NETO2: variants seen among roughly 807,000 people sequenced by gnomAD.
NETO2 encodes the protein neuropilin and tolloid-like protein 2.
In NETO2, 28 loss-of-function variants were observed where a neutral mutation model predicts 62.5. That is an observed-to-expected ratio of 0.45 (90% CI 0.33 to 0.61). NETO2 has a LOEUF of 0.61. NETO2 is among the 20% of genes least tolerant of loss of function. The pLI is 0.02. For missense variants in NETO2, 548 were observed against 643.2 expected (o/e 0.85, Z 1.60); for synonymous variants, 214 against 219.1 (o/e 0.98, Z 0.21).
At chr16:47,092,905 T>C (rs1412609287) in intron 7 of NETO2, among the ~76,000 whole-genome samples, 1 of 152,150 alleles carries the variant, frequency 6.6e-6, no homozygotes, top group African/African-American at 2.4e-5. Context: ...AGACTCAAAA[T>C]TGTAGGTGAC....
chr16:47,112,591 C>T (rs1040646559), intron 6 of NETO2, among the ~76,000 whole-genome samples: 5 of 152,124 alleles, frequency 3.3e-5, no homozygotes, highest in Non-Finnish European at 7.4e-5. Flanking sequence ...AACTCTTGAC[C>T]TCAAGTGATC....
chr16:47,090,276 C>G (rs567238987), intron 7 of NETO2, among the ~76,000 whole-genome samples: 16 of 152,234 alleles, frequency 1.1e-4, no homozygotes, highest in Non-Finnish European at 2.1e-4. Context: ...GAAAACAGCA[C>G]TGATATTGTC....
At chr16:47,116,838 C>G (rs1038676928) in intron 6 of NETO2, among the ~76,000 whole-genome samples, 3 of 152,180 alleles carry the variant, frequency 2.0e-5, no homozygotes, top group Non-Finnish European at 4.4e-5. Flanking sequence ...CATGTTTGGG[C>G]AGCTGTGTAG....
intron 2 of NETO2, 60 bp from the exon 3 acceptor site, chr16:47,129,424 T>A (rs1596743960): frequency 6.4e-7 from 1 of 1,558,912 alleles, no homozygotes; most frequent in East Asian, 2.2e-5. Context: ...TTCTTCTCTT[T>A]CCCCCACCAC....
intron 7 of NETO2, among the ~76,000 whole-genome samples, chr16:47,100,312 T>C (rs1040368604): frequency 2.4e-4 from 37 of 152,112 alleles, no homozygotes; most frequent in African/African-American, 7.7e-4. Flanking sequence ...TAAAGCAGTG[T>C]TTAGAGGGAA....
intron 6 of NETO2, among the ~76,000 whole-genome samples, chr16:47,110,021 C>G (rs905238556): frequency 3.9e-5 from 6 of 152,092 alleles, no homozygotes; most frequent in African/African-American, 1.4e-4. Flanking sequence ...TGGTACTGGA[C>G]AGGGGAGAAA....
intron 6 of NETO2, among the ~76,000 whole-genome samples, chr16:47,122,257 T>G (rs1964054691): frequency 6.6e-6 from 1 of 152,208 alleles, no homozygotes. Context: ...GCTTTTAGAT[T>G]GCTACGACCA....
intron 8 of NETO2, among the ~76,000 whole-genome samples, chr16:47,084,547 TA>T (rs1360872153): frequency 1.3e-5 from 2 of 152,238 alleles, no homozygotes; most frequent in Non-Finnish European, 2.9e-5. Context: ...CTATTATGGA[TA>T]ACAATAATGG....
intron 7 of NETO2, among the ~76,000 whole-genome samples, chr16:47,106,219 T>A (rs1241993934): frequency 6.6e-6 from 1 of 152,018 alleles, no homozygotes; most frequent in Non-Finnish European, 1.5e-5. Flanking sequence ...AGGACAAATA[T>A]TATATGATTC....
chr16:47,102,752 A>C (rs1963582832), intron 7 of NETO2, among the ~76,000 whole-genome samples: 1 of 152,218 alleles, frequency 6.6e-6, no homozygotes, highest in African/African-American at 2.4e-5. Context: ...CTACCATCTC[A>C]CACCAGTTAG....
At chr16:47,090,187 T>C (rs1963283514) in intron 7 of NETO2, among the ~76,000 whole-genome samples, 1 of 152,232 alleles carries the variant, frequency 6.6e-6, no homozygotes, top group Non-Finnish European at 1.5e-5. Flanking sequence ...TCATCACTGA[T>C]TGAGCAGTGA....
Position 47,083,103 on chromosome 16 carries a change from TA to T in NETO2, c.*117del. On this transcript the variant is annotated 3_prime_UTR_variant, in exon 9 of 9. Coordinates refer to ENST00000562435, the MANE Select transcript of NETO2 (RefSeq NM_018092.5). ...ACATCACCATACAATAGGTTAACGGTAAATCAAGGTCTTCGTAGTTGTGATG... is the reference window on the plus strand; with the variant it reads ...ACATCACCATACAATAGGTTAACGGTAATCAAGGTCTTCGTAGTTGTGATG... The T allele has an allele frequency of 1.2e-6, 1 of 864,706 alleles. No individual in the cohort carries two copies. The highest frequency in any genetic ancestry group is 2.7e-5 in the Admixed American group (1 of 37,690). 53.6% of individuals were successfully genotyped at this position (864,706 alleles called of 1,614,324 possible).
chr16:47,099,758 C>T (rs888724056), intron 7 of NETO2, among the ~76,000 whole-genome samples: 1 of 152,136 alleles, frequency 6.6e-6, no homozygotes, highest in African/African-American at 2.4e-5. Flanking sequence ...CAAGAGCTAA[C>T]TATCCTAAAT....
intron 7 of NETO2, among the ~76,000 whole-genome samples, chr16:47,095,748 T>C (rs904467236): frequency 1.3e-5 from 2 of 152,126 alleles, no homozygotes; most frequent in African/African-American, 2.4e-5. Context: ...CAATAAAGGA[T>C]AGAATGACCA....
At chr16:47,087,794 G>A (rs1043869619) in intron 7 of NETO2, among the ~76,000 whole-genome samples, 23 of 152,048 alleles carry the variant, frequency 1.5e-4, no homozygotes, top group African/African-American at 4.6e-4. Context: ...CATCTCAAAT[G>A]TTACCATCTG....
At chr16:47,111,026 G>A (rs1434794038) in intron 6 of NETO2, among the ~76,000 whole-genome samples, 2 of 152,154 alleles carry the variant, frequency 1.3e-5, no homozygotes, top group Non-Finnish European at 2.9e-5. Context: ...GAAGCAATAT[G>A]TTTTCTTAAA....
At chr16:47,137,019 T>A (rs1317854652) in intron 1 of NETO2, among the ~76,000 whole-genome samples, 2 of 152,252 alleles carry the variant, frequency 1.3e-5, no homozygotes, top group East Asian at 3.9e-4. Context: ...CAAACATACA[T>A]ACATATATAC....
At chr16:47,116,141 T>A (rs568444483) in intron 6 of NETO2, among the ~76,000 whole-genome samples, 2 of 145,930 alleles carry the variant, frequency 1.4e-5, no homozygotes, top group African/African-American at 5.4e-5. Context: ...TAGGGTTTTC[T>A]GTTTTTTTTT....
At chr16:47,085,287 A>G (rs1169066643) in intron 8 of NETO2, among the ~76,000 whole-genome samples, 1 of 152,224 alleles carries the variant, frequency 6.6e-6, no homozygotes, top group Non-Finnish European at 1.5e-5. Context: ...CTAACCTCTA[A>G]ATTATTTTGA....
Sources: gnomAD v4.1 joint callset for allele counts (sites outside exome capture counted in the v4.1 genomes callset) on GRCh38, gnomAD v4.1.1 for gene constraint, MANE v1.5 for transcripts, NCBI Gene and HGNC (gene_info 2026-07-23, HGNC 2026-07-21) for gene names.